Variants in LHFPL6 observed in about 807,000 individuals in gnomAD.
LHFPL6 encodes LHFPL tetraspan subfamily member 6.
A neutral mutation model predicts 20.6 loss-of-function variants in LHFPL6; 9 were observed. The observed-to-expected ratio is 0.44, with a 90% CI of 0.26 to 0.76. The LOEUF (loss-of-function observed/expected upper bound fraction) is 0.76, where lower values mean the gene tolerates loss of function less well. Ranked by LOEUF, LHFPL6 falls within the 30% of genes least tolerant of loss-of-function variation. LHFPL6 has a pLI of 0.20. For missense variants in LHFPL6, 218 were observed against 253.5 expected (o/e 0.86, Z 0.95); for synonymous variants, 105 against 98.7 (o/e 1.06, Z -0.38).
At chr13:39,502,252 G>A (rs1316666734) in intron 2 of LHFPL6, among the ~76,000 whole-genome samples, 1 of 152,150 alleles carries the variant, frequency 6.6e-6, no homozygotes, top group Non-Finnish European at 1.5e-5. Context: ...ACTGAACTCA[G>A]ATTTTTCAAA....
chr13:39,415,695 C>T (rs1871330786), intron 2 of LHFPL6, among the ~76,000 whole-genome samples: 1 of 152,092 alleles, frequency 6.6e-6, no homozygotes, highest in Admixed American at 6.5e-5. Flanking sequence ...TTTGCAGTAA[C>T]CGAAGGTGTA....
intron 2 of LHFPL6, among the ~76,000 whole-genome samples, chr13:39,543,990 A>G (rs1040217906): frequency 5.9e-5 from 9 of 152,212 alleles, no homozygotes; most frequent in African/African-American, 2.2e-4. Flanking sequence ...CCTTTCTTTT[A>G]TATTTCGACT....
intron 2 of LHFPL6, among the ~76,000 whole-genome samples, chr13:39,394,059 G>A (rs79017092): frequency 0.018 from 2,686 of 152,098 alleles, 82 homozygotes; most frequent in African/African-American, 0.061. Flanking sequence ...CTCTGGCCTC[G>A]CCTCCCATAT....
At chr13:39,471,038 G>A (rs908298620) in intron 2 of LHFPL6, among the ~76,000 whole-genome samples, 15 of 152,150 alleles carry the variant, frequency 9.9e-5, no homozygotes, top group Admixed American at 6.6e-4. Context: ...TGAGGAAGAC[G>A]GGTTTTGTCT....
At chr13:39,501,595 T>C (rs534743102) in intron 2 of LHFPL6, among the ~76,000 whole-genome samples, 2 of 152,298 alleles carry the variant, frequency 1.3e-5, no homozygotes, top group Non-Finnish European at 1.5e-5. Flanking sequence ...TTCTCAACTT[T>C]ATTGACACTG....
chr13:39,368,235 G>GTTA, intron 3 of LHFPL6, among the ~76,000 whole-genome samples: 1 of 150,370 alleles, frequency 6.7e-6, no homozygotes, highest in Admixed American at 6.7e-5. Context: ...GGAGGGCGAG[G>GTTA]CAGGAGAATC....
intron 2 of LHFPL6, among the ~76,000 whole-genome samples, chr13:39,429,769 C>T (rs1045142084): frequency 1.3e-5 from 2 of 152,136 alleles, no homozygotes; most frequent in African/African-American, 4.8e-5. Context: ...GTTTCCATTC[C>T]TACTATTCTA....
At chr13:39,592,596 G>C (rs1872643587) in intron 2 of LHFPL6, among the ~76,000 whole-genome samples, 1 of 152,142 alleles carries the variant, frequency 6.6e-6, no homozygotes, top group Non-Finnish European at 1.5e-5. Context: ...AATAGAAAAA[G>C]AGGGAATCCT....
intron 2 of LHFPL6, among the ~76,000 whole-genome samples, chr13:39,464,810 T>C (rs931583093): frequency 2.0e-5 from 3 of 152,092 alleles, no homozygotes; most frequent in African/African-American, 7.2e-5. Flanking sequence ...ATTGTGTACT[T>C]GTTTCACTTC....
At chr13:39,433,576 T>G (rs916014443) in intron 2 of LHFPL6, among the ~76,000 whole-genome samples, 3 of 152,214 alleles carry the variant, frequency 2.0e-5, no homozygotes, top group Non-Finnish European at 4.4e-5. Flanking sequence ...GTCAGTGATC[T>G]GTACAGAAGA....
At chr13:39,439,372 T>G (rs921125968) in intron 2 of LHFPL6, among the ~76,000 whole-genome samples, 1 of 152,266 alleles carries the variant, frequency 6.6e-6, no homozygotes, top group Middle Eastern at 3.4e-3. Context: ...GTAACTAACT[T>G]GTTTTGATTT....
chr13:39,518,870 A>G (rs1003464611), intron 2 of LHFPL6, among the ~76,000 whole-genome samples: 7 of 152,240 alleles, frequency 4.6e-5, no homozygotes, highest in Non-Finnish European at 8.8e-5. Flanking sequence ...GGTAGCATCC[A>G]GTCCACGATG....
chr13:39,393,157 A>G (rs1041423406), intron 2 of LHFPL6, among the ~76,000 whole-genome samples: 6 of 152,204 alleles, frequency 3.9e-5, no homozygotes, highest in Non-Finnish European at 2.9e-5. Flanking sequence ...CCTGGAACCA[A>G]TCCCCCAAGG....
rs986776553 is a variant in LHFPL6, at chr13:39,407,541, T to C, written c.386-29015A>G. Among the ~76,000 whole-genome samples, 9 of 152,354 alleles carry C rather than the reference T, an allele frequency of 5.9e-5. No homozygotes were observed. In the East Asian group the frequency reaches 1.7e-3, roughly 29 times the overall value. On this transcript the variant is annotated intron_variant, in intron 2 of 3. Coordinates refer to ENST00000379589, the MANE Select transcript of LHFPL6 (RefSeq NM_005780.3). ...ATTGAAAACTGGAAGAATTAGGTCATGTCATCAAAACTTGCTATTTGCTAA... is the reference window on the plus strand; with the variant it reads ...ATTGAAAACTGGAAGAATTAGGTCACGTCATCAAAACTTGCTATTTGCTAA...
chr13:39,416,507 T>C (rs531099669), intron 2 of LHFPL6, among the ~76,000 whole-genome samples: 1 of 152,312 alleles, frequency 6.6e-6, no homozygotes, highest in Non-Finnish European at 1.5e-5. Flanking sequence ...AGGTAGAGAA[T>C]AAAATGCCTT....
chr13:39,566,313 A>G lies in LHFPL6; in HGVS notation c.385+34519T>C, dbSNP rs190051644. The stretch of plus-strand genomic sequence containing the variant: ...TCTAATAAGGCAACTGGATTTTTCT[A>G]CTTGCTAGGCATCAAGCATCATTTT... On this transcript the variant is annotated intron_variant, in intron 2 of 3. Coordinates refer to ENST00000379589, the MANE Select transcript of LHFPL6 (RefSeq NM_005780.3). Among the ~76,000 whole-genome samples the G allele has an allele frequency of 3.7e-4, 57 of 152,360 alleles. No homozygotes were observed. In the East Asian group the frequency reaches 7.7e-3, roughly 21 times the overall value.
intron 3 of LHFPL6, among the ~76,000 whole-genome samples, chr13:39,350,614 A>G (rs774922365): frequency 6.6e-6 from 1 of 152,228 alleles, no homozygotes; most frequent in Non-Finnish European, 1.5e-5. Context: ...TTTGTCTGTG[A>G]TCCTTTCAGG....
intron 2 of LHFPL6, among the ~76,000 whole-genome samples, chr13:39,577,982 A>G (rs1381426701): frequency 6.6e-6 from 1 of 152,136 alleles, no homozygotes; most frequent in Non-Finnish European, 1.5e-5. Flanking sequence ...ACATTTGATA[A>G]TATTTTAAAA....
chr13:39,413,988 T>C (rs893247093), intron 2 of LHFPL6, among the ~76,000 whole-genome samples: 1 of 152,238 alleles, frequency 6.6e-6, no homozygotes, highest in Admixed American at 6.5e-5. Context: ...GTGATGAGTA[T>C]AATTAGAATT....
Sources: gnomAD v4.1 joint callset for allele counts (sites outside exome capture counted in the v4.1 genomes callset) on GRCh38, gnomAD v4.1.1 for gene constraint, MANE v1.5 for transcripts, NCBI Gene and HGNC (gene_info 2026-07-23, HGNC 2026-07-21) for gene names.